The following ODAD2 variants were observed in gnomAD, a reference collection of about 807,000 sequenced individuals.
ODAD2 encodes outer dynein arm docking complex subunit 2.
A neutral mutation model predicts 106.8 loss-of-function variants in ODAD2; 89 were observed. That is an observed-to-expected ratio of 0.83 (90% CI 0.70 to 0.99). ODAD2 has a LOEUF of 0.99. Among genes scored for constraint, ODAD2 ranks in the 50% least tolerant of loss-of-function variants. The probability of loss-of-function intolerance (pLI) is 0.00; values close to 1 mark genes in which losing one functional copy is unlikely to be tolerated. For synonymous variants in ODAD2, 404 were observed against 436.2 expected (o/e 0.93, Z 0.92); for missense variants, 1,168 against 1,238.5 (o/e 0.94, Z 0.85).
chr10:27,946,590 T>G (rs1461301301), intron 10 of ODAD2, among the ~76,000 whole-genome samples: 1 of 152,174 alleles, frequency 6.6e-6, no homozygotes, highest in Admixed American at 6.5e-5. Flanking sequence ...AACTATAATT[T>G]CTTGACTGTA....
chr10:27,903,484 C>G (rs149704360), intron 17 of ODAD2, among the ~76,000 whole-genome samples: 68 of 152,224 alleles, frequency 4.5e-4, no homozygotes, highest in African/African-American at 1.6e-3. Flanking sequence ...AAAGAGTATT[C>G]AAATAGGAAG....
intron 16 of ODAD2, among the ~76,000 whole-genome samples, chr10:27,921,964 C>G (rs1347247904): frequency 6.7e-6 from 1 of 150,282 alleles, no homozygotes; most frequent in Non-Finnish European, 1.5e-5. Context: ...CTCAGGGGTT[C>G]GAGACCCACG....
intron 14 of ODAD2, 68 bp from the exon 15 acceptor site, chr10:27,936,948 G>A: frequency 2.0e-6 from 3 of 1,502,116 alleles, no homozygotes; most frequent in Non-Finnish European, 2.7e-6. Flanking sequence ...ATGCTAAAAA[G>A]GCTGCCATTC....
intron 19 of ODAD2, among the ~76,000 whole-genome samples, chr10:27,847,595 T>A (rs1838878720): frequency 6.6e-6 from 1 of 151,914 alleles, no homozygotes; most frequent in Non-Finnish European, 1.5e-5. Context: ...GAGAAAGAAA[T>A]AAAGGGTATT....
At chr10:27,872,936 C>T (rs950181388) in intron 17 of ODAD2, among the ~76,000 whole-genome samples, 5 of 152,054 alleles carry the variant, frequency 3.3e-5, no homozygotes, top group East Asian at 1.9e-4. Flanking sequence ...GAATGGTCCC[C>T]GCTCCTCCTT....
intron 17 of ODAD2, among the ~76,000 whole-genome samples, chr10:27,864,972 T>G (rs967857080): frequency 3.3e-5 from 5 of 152,174 alleles, no homozygotes; most frequent in African/African-American, 1.2e-4. Flanking sequence ...GTATCCCTCA[T>G]GAAGGTAGGC....
intron 16 of ODAD2, among the ~76,000 whole-genome samples, chr10:27,924,342 A>C (rs577920742): frequency 6.6e-5 from 10 of 151,942 alleles, no homozygotes; most frequent in Non-Finnish European, 1.2e-4. Flanking sequence ...AATGATGATA[A>C]TGAAAGTACT....
At chr10:27,814,171 C>A (rs1835949513) in intron 19 of ODAD2, among the ~76,000 whole-genome samples, 1 of 152,032 alleles carries the variant, frequency 6.6e-6, no homozygotes, top group African/African-American at 2.4e-5. Context: ...GAAACAGGGA[C>A]CCTCCGCAAA....
intron 17 of ODAD2, among the ~76,000 whole-genome samples, chr10:27,888,418 T>C (rs888170211): frequency 2.0e-5 from 3 of 152,118 alleles, no homozygotes; most frequent in African/African-American, 7.2e-5. Flanking sequence ...CTCTGATGAT[T>C]GGTGATATTG....
chr10:27,877,899 T>C (rs926394481), intron 17 of ODAD2, among the ~76,000 whole-genome samples: 8 of 152,232 alleles, frequency 5.3e-5, no homozygotes, highest in Admixed American at 2.6e-4. Flanking sequence ...TAAGGGGGCA[T>C]GAAATTTTTG....
chr10:27,914,218 C>T (rs749572910), intron 16 of ODAD2, among the ~76,000 whole-genome samples: 3 of 152,008 alleles, frequency 2.0e-5, no homozygotes, highest in South Asian at 2.1e-4. Flanking sequence ...TGAAACACAT[C>T]GAGAGGCACA....
chr10:27,929,938 A>G (rs1250577297), intron 16 of ODAD2, among the ~76,000 whole-genome samples: 2 of 152,084 alleles, frequency 1.3e-5, no homozygotes, highest in African/African-American at 4.8e-5. Context: ...CTCACAGCAA[A>G]GTTTTCTTCT....
chr10:27,849,587 G>A (rs1223647610), intron 19 of ODAD2, among the ~76,000 whole-genome samples: 1 of 152,042 alleles, frequency 6.6e-6, no homozygotes, highest in East Asian at 1.9e-4. Context: ...AATCACCTCA[G>A]AGGCAAAAGC....
At chr10:27,819,940 C>T (rs2132846937) in intron 19 of ODAD2, among the ~76,000 whole-genome samples, 1 of 152,282 alleles carries the variant, frequency 6.6e-6, no homozygotes, top group East Asian at 1.9e-4. Flanking sequence ...AAGAGGCAGC[C>T]TGGCTTCATA....
At chr10:27,931,529 A>T (rs1447283001) in intron 16 of ODAD2, among the ~76,000 whole-genome samples, 1 of 151,700 alleles carries the variant, frequency 6.6e-6, no homozygotes, top group African/African-American at 2.4e-5. Context: ...GTTGTTTATC[A>T]GTGATTTTTT....
intron 17 of ODAD2, among the ~76,000 whole-genome samples, chr10:27,889,212 G>C (rs576371156): frequency 6.6e-6 from 1 of 152,280 alleles, no homozygotes; most frequent in African/African-American, 2.4e-5. Flanking sequence ...TGTGTGCCTA[G>C]AGAGATCAAG....
At chr10:27,850,160 A>G (rs930310371) in intron 19 of ODAD2, among the ~76,000 whole-genome samples, 4 of 152,130 alleles carry the variant, frequency 2.6e-5, no homozygotes, top group Non-Finnish European at 4.4e-5. Flanking sequence ...AAGTGAAAAC[A>G]TTTGCTGGGC....
chr10:27,903,867 A>C (rs775417493), intron 17 of ODAD2, among the ~76,000 whole-genome samples: 17 of 152,264 alleles, frequency 1.1e-4, no homozygotes, highest in African/African-American at 3.8e-4. Flanking sequence ...CTATGGTCAC[A>C]CCAAGACAAG....
At position 27,984,299 on chromosome 10, in the gene ODAD2, AAT is replaced by A; in HGVS notation, c.576-11_576-10del. 2 of 1,551,724 alleles carry A rather than the reference AAT, an allele frequency of 1.3e-6. No individual in the cohort carries two copies. The highest frequency in any genetic ancestry group is 8.9e-7 in the Non-Finnish European group (1 of 1,123,982). On this transcript the variant is annotated splice_polypyrimidine_tract_variant and intron_variant, in intron 4 of 19. Coordinates refer to ENST00000305242, the MANE Select transcript of ODAD2 (RefSeq NM_018076.5). ...GACTTAAACTTATTTCTCTGAAATA[AAT>A]GTTTAAAATGTCAGCTTAAATACTT...
Sources: gnomAD v4.1 joint callset for allele counts (sites outside exome capture counted in the v4.1 genomes callset) on GRCh38, gnomAD v4.1.1 for gene constraint, MANE v1.5 for transcripts, NCBI Gene and HGNC (gene_info 2026-07-23, HGNC 2026-07-21) for gene names.